Variants in CCDC126 observed in about 807,000 individuals in gnomAD.
CCDC126 encodes coiled-coil domain containing 126.
A neutral mutation model predicts 11.7 loss-of-function variants in CCDC126; 5 were observed. That is an observed-to-expected ratio of 0.43 (90% confidence interval 0.22 to 0.90). The LOEUF (loss-of-function observed/expected upper bound fraction) is 0.90, where lower values mean the gene tolerates loss of function less well. Ranked by LOEUF, CCDC126 falls within the 40% of genes least tolerant of loss-of-function variation. CCDC126 has a pLI of 0.27. For synonymous variants in CCDC126, 60 were observed against 61.9 expected, an observed-to-expected ratio of 0.97 and a Z score of 0.14; for missense variants, 150 against 163.1, an observed-to-expected ratio of 0.92 and a Z score of 0.44.
chr7:23,641,688 A>T (rs1783358759), intron 3 of CCDC126, among the ~76,000 whole-genome samples: 1 of 152,194 alleles, frequency 6.6e-6, no homozygotes, highest in Non-Finnish European at 1.5e-5. Flanking sequence ...CTGAGTACCT[A>T]ATATATGCTA....
Position 23,611,538 on chromosome 7 carries a change from T to A in CCDC126, c.223T>A (p.Ser75Thr). 6.2e-7 allele frequency: 1 copy of A among 1,605,336 alleles called. No homozygotes were observed. Among genetic ancestry groups the A allele is most frequent in the South Asian group, 1.1e-5 (1 of 90,896 alleles). Residue 75 changes from serine to threonine, a missense_variant, in exon 3 of 4, where the codon TCT (serine) becomes ACT (threonine). Physicochemically the swap from Ser to Thr is moderately conservative, Grantham distance 58. Transcript: ENST00000307471. ...CACAGTGGATGTCGAGAACGGTGCT[T>A]CTATGGCAGGATATGGTAAGATAAC... ...KNTVDVENGA[S>T]MAGYADLKRT... is the part of the protein sequence containing the mutation.
chr7:23,614,800 T>A lies in CCDC126; in HGVS notation c.238+3247T>A, dbSNP rs1271137099. On this transcript the variant is annotated intron_variant, in intron 3 of 3. Transcript: ENST00000307471. ...ATATTTTGAAAGGAATTGTTTTTTC[T>A]GAACAGTGGGTCTCAACAGTAGGTC... Among the ~76,000 whole-genome samples, 5 of 152,338 alleles carry A rather than the reference T, an allele frequency of 3.3e-5. No homozygotes were observed. In the East Asian group the frequency reaches 9.6e-4, roughly 29 times the overall value.
chr7:23,634,419 C>G (rs753281674), intron 3 of CCDC126, among the ~76,000 whole-genome samples: 2 of 152,204 alleles, frequency 1.3e-5, no homozygotes, highest in Non-Finnish European at 2.9e-5. Context: ...TGTGCTATTG[C>G]ACTCCAGCCT....
In CCDC126 at chr7:23,628,702, C is replaced by T. The variant is rs185802133; in HGVS notation, c.239-14229C>T. Among the ~76,000 whole-genome samples the T allele has an allele frequency of 5.4e-3, 819 of 150,424 alleles. 12 individuals are homozygous for T. Among genetic ancestry groups the T allele is most frequent in the Non-Finnish European group, 4.3e-3 (294 of 68,022 alleles). On this transcript the variant is annotated intron_variant, in intron 3 of 3. Coordinates refer to ENST00000307471, the MANE Select transcript of CCDC126 (RefSeq NM_138771.4). ...GTACTCATGGGACCAGTGGAGACCACATGGAGAATCAGGACTTTACCTCCA... is the reference window on the plus strand; with the variant it reads ...GTACTCATGGGACCAGTGGAGACCATATGGAGAATCAGGACTTTACCTCCA...
intron 2 of CCDC126, among the ~76,000 whole-genome samples, chr7:23,600,665 A>G (rs183459018): frequency 2.6e-5 from 4 of 152,102 alleles, no homozygotes; most frequent in African/African-American, 7.2e-5. Flanking sequence ...AGTTGCTGCT[A>G]TTGCTGTTGA....
At chr7:23,608,430 C>A (rs1284729166) in intron 2 of CCDC126, among the ~76,000 whole-genome samples, 1 of 152,198 alleles carries the variant, frequency 6.6e-6, no homozygotes, top group East Asian at 1.9e-4. Flanking sequence ...TGTGGCCCAA[C>A]ACAAATTCAT....
intron 2 of CCDC126, among the ~76,000 whole-genome samples, chr7:23,598,990 A>C (rs1057119353): frequency 6.6e-6 from 1 of 152,170 alleles, no homozygotes; most frequent in Non-Finnish European, 1.5e-5. Flanking sequence ...AAATTTGTGT[A>C]AACCCTTTTA....
At chr7:23,613,096 A>G (rs1021728481) in intron 3 of CCDC126, among the ~76,000 whole-genome samples, 3 of 152,162 alleles carry the variant, frequency 2.0e-5, no homozygotes, top group African/African-American at 7.2e-5. Flanking sequence ...GGATTGCTTG[A>G]GTCCAGGAGT....
chr7:23,616,194 A>C (rs953779599), intron 3 of CCDC126, among the ~76,000 whole-genome samples: 3 of 152,200 alleles, frequency 2.0e-5, no homozygotes, highest in Non-Finnish European at 4.4e-5. Flanking sequence ...TTCTCCTAGC[A>C]TATTCAGACA....
At chr7:23,626,011 T>C (rs1197481930) in intron 3 of CCDC126, among the ~76,000 whole-genome samples, 1 of 139,104 alleles carries the variant, frequency 7.2e-6, no homozygotes, top group Non-Finnish European at 1.7e-5. Context: ...GAGGTTTTTC[T>C]TTTGATTTTC....
chr7:23,642,999 A>C lies in CCDC126; in HGVS notation c.307A>C (p.Lys103Gln). The change falls in exon 4 of 4, where the codon AAA (lysine) becomes CAA (glutamine). Residue 103 changes from lysine to glutamine, a missense_variant. Transcript: ENST00000307471. Reference sequence around the variant, plus strand: ...GCAACGATTGGTGAAGCTGGAGAACAAAGTTGACTATATTGTTGTGAATGG... The same window carrying C: ...GCAACGATTGGTGAAGCTGGAGAACCAAGTTGACTATATTGTTGTGAATGG... ...ILQRLVKLEN[K>Q]VDYIVVNGSA... The C allele has an allele frequency of 6.2e-7, 1 of 1,614,204 alleles. No homozygotes were observed. Among genetic ancestry groups the C allele is most frequent in the Non-Finnish European group, 8.5e-7 (1 of 1,180,014 alleles).
rs1303121105 is a variant in CCDC126, at chr7:23,643,499, G to A, written c.*384G>A. ...ATAACACGTTTTTTGGACAAGTGAA[G>A]AATGTTTAATCATTCTGTCATTTGT... On this transcript the variant is annotated 3_prime_UTR_variant, in exon 4 of 4. Coordinates refer to ENST00000307471, the MANE Select transcript of CCDC126 (RefSeq NM_138771.4). The A allele has an allele frequency of 6.2e-6, 1 of 161,214 alleles. No homozygotes were observed. Among genetic ancestry groups the A allele is most frequent in the Non-Finnish European group, 1.3e-5 (1 of 74,114 alleles). 10.0% of individuals were successfully genotyped at this position (161,214 alleles called of 1,614,324 possible). A position where few individuals can be genotyped will look rare whatever the true frequency, so the allele number is the denominator to read the frequency against.
At chr7:23,642,023 GT>G (rs1224600275) in intron 3 of CCDC126, among the ~76,000 whole-genome samples, 1 of 151,916 alleles carries the variant, frequency 6.6e-6, no homozygotes, top group Non-Finnish European at 1.5e-5. Context: ...TTGGTTTTTT[GT>G]TTTTTGAGAG....
chr7:23,621,714 G>C (rs974154185), intron 3 of CCDC126, among the ~76,000 whole-genome samples: 1 of 152,106 alleles, frequency 6.6e-6, no homozygotes, highest in Non-Finnish European at 1.5e-5. Context: ...TTGGCTGTGG[G>C]TTTGTCATAA....
intron 2 of CCDC126, among the ~76,000 whole-genome samples, chr7:23,610,551 T>G (rs1028912098): frequency 6.6e-6 from 1 of 152,194 alleles, no homozygotes; most frequent in African/African-American, 2.4e-5. Context: ...TGATCATCAT[T>G]CTTTATGTCT....
At chr7:23,642,840 C>T (rs1018293949) in intron 3 of CCDC126, 91 bp from the exon 4 acceptor site, 7 of 1,006,446 alleles carry the variant, frequency 7.0e-6, no homozygotes, top group Non-Finnish European at 1.1e-5. Flanking sequence ...TCAGATGACC[C>T]AGTAGTTGTT....
intron 3 of CCDC126, among the ~76,000 whole-genome samples, chr7:23,624,566 G>C (rs1281914439): frequency 6.6e-6 from 1 of 152,206 alleles, no homozygotes; most frequent in Non-Finnish European, 1.5e-5. Context: ...ACTATTTTCA[G>C]TTTTGTGGGT....
chr7:23,622,758 A>G (rs1366537941), intron 3 of CCDC126: 2 of 514,738 alleles, frequency 3.9e-6, no homozygotes, highest in Non-Finnish European at 7.8e-6. Context: ...AGTTCCTGTC[A>G]TGTACATTTC....
At chr7:23,636,711 C>G (rs1179255796) in intron 3 of CCDC126, among the ~76,000 whole-genome samples, 2 of 148,968 alleles carry the variant, frequency 1.3e-5, no homozygotes, top group Non-Finnish European at 1.5e-5. Context: ...CTGGCAGCCA[C>G]CCCGTCTGGA....
Sources: allele counts gnomAD v4.1 joint callset (sites outside exome capture counted in the v4.1 genomes callset), GRCh38; gene constraint gnomAD v4.1.1; transcripts MANE v1.5; gene names NCBI Gene and HGNC (gene_info 2026-07-23, HGNC 2026-07-21).